DAAM1: variants seen among roughly 807,000 people sequenced by gnomAD.
The protein encoded by DAAM1 is dishevelled associated activator of morphogenesis 1.
DAAM1 carries 52 observed loss-of-function variants against 130.0 expected under a neutral mutation model. That is an observed-to-expected ratio of 0.40 (90% CI 0.32 to 0.50). DAAM1 has a LOEUF of 0.50. Ranked by LOEUF, DAAM1 falls within the 20% of genes least tolerant of loss-of-function variation. DAAM1 has a pLI of 0.61. For missense variants in DAAM1, 1,134 were observed against 1,303.8 expected, an observed-to-expected ratio of 0.87 and a Z score of 2.01; for synonymous variants, 452 against 444.5, an observed-to-expected ratio of 1.02 and a Z score of -0.21.
rs1889365816 is a variant in DAAM1, at chr14:59,238,289, AT to A, written c.-37-25150del. Among the ~76,000 whole-genome samples the A allele has an allele frequency of 3.3e-5, 5 of 151,910 alleles. No individual in the cohort carries two copies. The South Asian group carries it at 1.0e-3, about 32-fold the overall frequency. The stretch of plus-strand genomic sequence containing the variant: ...AGACCTAGCAGTCCTCTAAAGCCTC[AT>A]TCATATTTCCCTCTTTTCAAAAAAA... On this transcript the variant is annotated intron_variant, in intron 1 of 24. Coordinates refer to ENST00000360909, the MANE Select transcript of DAAM1 (RefSeq NM_001270520.2).
chr14:59,300,982 GTTGT>G (rs1884145818), intron 3 of DAAM1, among the ~76,000 whole-genome samples: 1 of 152,126 alleles, frequency 6.6e-6, no homozygotes. Context: ...TAGTTATTGA[GTTGT>G]TTGATATGAA....
At chr14:59,277,493 C>A (rs1883022976) in intron 2 of DAAM1, among the ~76,000 whole-genome samples, 1 of 150,804 alleles carries the variant, frequency 6.6e-6, no homozygotes, top group Admixed American at 6.6e-5. Flanking sequence ...AAAATCTTTT[C>A]TCCAAAATAT....
chr14:59,238,835 A>G (rs1197994573), intron 1 of DAAM1, among the ~76,000 whole-genome samples: 2 of 152,174 alleles, frequency 1.3e-5, no homozygotes, highest in Non-Finnish European at 2.9e-5. Context: ...TCGCTGACAC[A>G]TGGTAATCAT....
chr14:59,265,202 A>G (rs1015036851), intron 2 of DAAM1: 2 of 152,216 alleles, frequency 1.3e-5, no homozygotes, highest in African/African-American at 4.8e-5. Flanking sequence ...AGATAAGCCA[A>G]TATGAGAGAG....
At chr14:59,270,684 A>G (rs1882671874) in intron 2 of DAAM1, among the ~76,000 whole-genome samples, 1 of 152,178 alleles carries the variant, frequency 6.6e-6, no homozygotes, top group Non-Finnish European at 1.5e-5. Flanking sequence ...TTTGAAATAG[A>G]AAAGGACAAA....
intron 5 of DAAM1, among the ~76,000 whole-genome samples, chr14:59,322,568 T>C (rs1195494161): frequency 6.6e-6 from 1 of 151,926 alleles, no homozygotes; most frequent in Non-Finnish European, 1.5e-5. Flanking sequence ...GAACAGCAGA[T>C]GGTTTTAATC....
chr14:59,288,666 G>C (rs1458701636), intron 2 of DAAM1, among the ~76,000 whole-genome samples: 3 of 152,112 alleles, frequency 2.0e-5, no homozygotes, highest in Non-Finnish European at 2.9e-5. Flanking sequence ...GTACTACTCT[G>C]TTTTCATACT....
intron 2 of DAAM1, among the ~76,000 whole-genome samples, chr14:59,289,784 A>ATATATATATATATATATATATAT: frequency 6.7e-4 from 86 of 128,606 alleles, no homozygotes; most frequent in South Asian, 2.2e-3. Flanking sequence ...ATATATATAT[A>ATATATATATATATATATATATAT]ATGGAATGCT....
rs552045222 is a variant in DAAM1 at position 59,281,243 on chromosome 14, C to G, written c.184-9974C>G. On this transcript the variant is annotated intron_variant, in intron 2 of 24. Transcript: ENST00000360909. ...GCTTGGCCACTTTTACAACTTATTTCTGCTCAGAAAGGCACCAACTCAACT... is the reference window on the plus strand; with the variant it reads ...GCTTGGCCACTTTTACAACTTATTTGTGCTCAGAAAGGCACCAACTCAACT... 1.2e-4 allele frequency among the ~76,000 whole-genome samples: 18 copies of G among 152,268 alleles called. No individual in the cohort carries two copies. The East Asian group carries it at 3.5e-3, about 29-fold the overall frequency.
chr14:59,359,853 C>T (rs987960405), intron 21 of DAAM1, among the ~76,000 whole-genome samples: 1 of 152,202 alleles, frequency 6.6e-6, no homozygotes, highest in African/African-American at 2.4e-5. Flanking sequence ...TGCACACATA[C>T]TCCCAGAAAC....
At chr14:59,311,282 A>C (rs1341291507) in intron 3 of DAAM1, among the ~76,000 whole-genome samples, 1 of 152,206 alleles carries the variant, frequency 6.6e-6, no homozygotes, top group Admixed American at 6.5e-5. Flanking sequence ...CATTATGGTG[A>C]GTTTTAAAAA....
At chr14:59,231,966 A>C (rs1351229257) in intron 1 of DAAM1, among the ~76,000 whole-genome samples, 1 of 152,156 alleles carries the variant, frequency 6.6e-6, no homozygotes, top group East Asian at 1.9e-4. Context: ...CACATTTGAG[A>C]AATATACTAT....
chr14:59,194,913 T>C (rs1179535767), intron 1 of DAAM1, among the ~76,000 whole-genome samples: 1 of 152,214 alleles, frequency 6.6e-6, no homozygotes, highest in African/African-American at 2.4e-5. Context: ...GATCTTTTCC[T>C]TTTGGCTTAA....
At chr14:59,240,519 A>G (rs1881063588) in intron 1 of DAAM1, among the ~76,000 whole-genome samples, 1 of 152,188 alleles carries the variant, frequency 6.6e-6, no homozygotes, top group African/African-American at 2.4e-5. Flanking sequence ...GAGGCCCAGT[A>G]TATCTAGTAG....
intron 1 of DAAM1, among the ~76,000 whole-genome samples, chr14:59,243,488 G>A (rs1403469642): frequency 2.0e-5 from 3 of 152,164 alleles, no homozygotes; most frequent in Non-Finnish European, 2.9e-5. Flanking sequence ...CCAGCCCTGA[G>A]TGAGCCCCAC....
rs184829805 is a variant in DAAM1 at position 59,277,964 on chromosome 14, C to T, written c.184-13253C>T. 2.2e-3 allele frequency among the ~76,000 whole-genome samples: 337 copies of T among 152,138 alleles called. 1 individual carries two copies. The highest frequency in any genetic ancestry group is 2.1e-3 in the Non-Finnish European group (144 of 68,016). ...GCCTGAAACCACAGATAGTACTGAA[C>T]GCTATATATACTATGTTTTTTTCCT... On this transcript the variant is annotated intron_variant, in intron 2 of 24. Coordinates refer to ENST00000360909, the MANE Select transcript of DAAM1 (RefSeq NM_001270520.2).
At chr14:59,308,514 T>C (rs1367980411) in intron 3 of DAAM1, among the ~76,000 whole-genome samples, 1 of 152,092 alleles carries the variant, frequency 6.6e-6, no homozygotes, top group African/African-American at 2.4e-5. Flanking sequence ...GTCCGGTGAA[T>C]TTTTTAACAG....
At chr14:59,339,365 T>G (rs559324329) in intron 15 of DAAM1, among the ~76,000 whole-genome samples, 6 of 152,358 alleles carry the variant, frequency 3.9e-5, no homozygotes, top group Non-Finnish European at 7.3e-5. Context: ...CCAATACTCC[T>G]GATGCTCAGT....
chr14:59,320,962 A>G (rs981696197), intron 5 of DAAM1, among the ~76,000 whole-genome samples: 2 of 152,200 alleles, frequency 1.3e-5, no homozygotes, highest in Non-Finnish European at 2.9e-5. Context: ...GCTCCTCGGA[A>G]TGTAGCCAAG....
Sources: gnomAD v4.1 joint callset for allele counts (sites outside exome capture counted in the v4.1 genomes callset) on GRCh38, gnomAD v4.1.1 for gene constraint, MANE v1.5 for transcripts, NCBI Gene and HGNC (gene_info 2026-07-23, HGNC 2026-07-21) for gene names.